Variants in ALG9 observed in about 807,000 individuals in gnomAD.
The protein encoded by ALG9 is ALG9 alpha-1,2-mannosyltransferase.
A neutral mutation model predicts 81.8 loss-of-function variants in ALG9; 55 were observed. The observed-to-expected ratio is 0.67, with a 90% confidence interval of 0.54 to 0.84. ALG9 has a LOEUF of 0.84. Ranked by LOEUF, ALG9 falls within the 40% of genes least tolerant of loss-of-function variation. The pLI is 0.00. For missense variants in ALG9, 629 were observed against 745.0 expected (o/e 0.84, Z 1.81); for synonymous variants, 278 against 274.3 (o/e 1.01, Z -0.13).
intron 9 of ALG9, among the ~76,000 whole-genome samples, chr11:111,844,290 C>T (rs1360405024): frequency 1.3e-5 from 2 of 152,180 alleles, no homozygotes; most frequent in African/African-American, 4.8e-5. Context: ...AGATGTCAGC[C>T]ACCGCGCCCG....
At chr11:111,845,917 T>C (rs1956880739) in intron 8 of ALG9, among the ~76,000 whole-genome samples, 1 of 152,120 alleles carries the variant, frequency 6.6e-6, no homozygotes, top group African/African-American at 2.4e-5. Context: ...TAAGGAAAAG[T>C]TCAAGTTCAA....
At chr11:111,857,332 A>C (rs1236631587) in intron 6 of ALG9, among the ~76,000 whole-genome samples, 1 of 152,178 alleles carries the variant, frequency 6.6e-6, no homozygotes, top group Non-Finnish European at 1.5e-5. Context: ...TAATAATTGT[A>C]TTTCTCCTGC....
intron 5 of ALG9, among the ~76,000 whole-genome samples, chr11:111,860,282 T>G (rs782134265): frequency 1.3e-5 from 2 of 152,238 alleles, no homozygotes; most frequent in Non-Finnish European, 2.9e-5. Context: ...GTAAATCATT[T>G]CATCTACGTT....
chr11:111,810,534 T>C (rs1280689663), intron 13 of ALG9, among the ~76,000 whole-genome samples: 2 of 152,150 alleles, frequency 1.3e-5, no homozygotes, highest in Non-Finnish European at 2.9e-5. Context: ...GGTGTACAGA[T>C]CGTTTGAACC....
chr11:111,802,187 C>T (rs1462992680), intron 14 of ALG9, among the ~76,000 whole-genome samples: 2 of 152,234 alleles, frequency 1.3e-5, no homozygotes, highest in Non-Finnish European at 2.9e-5. Context: ...CTTCGGTTCC[C>T]TTGTTCCTTC....
At chr11:111,858,854 A>G (rs1253141672) in intron 5 of ALG9, among the ~76,000 whole-genome samples, 1 of 152,170 alleles carries the variant, frequency 6.6e-6, no homozygotes, top group Admixed American at 6.5e-5. Flanking sequence ...CTGTGTCTCA[A>G]ATGAGATTAC....
intron 8 of ALG9, 26 bp downstream of exon 8, chr11:111,853,354 C>T (rs781863893): frequency 6.4e-7 from 1 of 1,568,392 alleles, no homozygotes; most frequent in Non-Finnish European, 8.8e-7. Flanking sequence ...TCTCCTAACA[C>T]TTGCCCAAAT....
intron 14 of ALG9, chr11:111,805,188 G>A (rs1949732141): frequency 1.8e-5 from 8 of 452,778 alleles, no homozygotes; most frequent in Non-Finnish European, 3.5e-5. Flanking sequence ...ATAAGAAGAG[G>A]CTAGAGAGCT....
At chr11:111,810,631 C>G (rs1555090423) in intron 13 of ALG9, among the ~76,000 whole-genome samples, 1 of 152,154 alleles carries the variant, frequency 6.6e-6, no homozygotes, top group Non-Finnish European at 1.5e-5. Flanking sequence ...TGGCACATAT[C>G]TGTAGTTCCA....
intron 4 of ALG9, among the ~76,000 whole-genome samples, chr11:111,861,429 C>T (rs1196425488): frequency 6.6e-6 from 1 of 152,086 alleles, no homozygotes; most frequent in Non-Finnish European, 1.5e-5. Flanking sequence ...TGATAAATTC[C>T]GTTTTTTTGG....
intron 14 of ALG9, among the ~76,000 whole-genome samples, chr11:111,788,287 A>G (rs1946774647): frequency 6.6e-6 from 1 of 152,224 alleles, no homozygotes; most frequent in African/African-American, 2.4e-5. Flanking sequence ...CTTCCCAACT[A>G]GGACGCTGGC....
chr11:111,798,278 AG>A (rs1555077288), intron 14 of ALG9: 1 of 232,800 alleles, frequency 4.3e-6, no homozygotes, highest in Non-Finnish European at 8.9e-6. Flanking sequence ...GCAAGACAAA[AG>A]GGACATATAA....
At chr11:111,842,062 A>T (rs1321331438) in intron 9 of ALG9, among the ~76,000 whole-genome samples, 1 of 151,966 alleles carries the variant, frequency 6.6e-6, no homozygotes, top group Non-Finnish European at 1.5e-5. Flanking sequence ...ACACCAGGCT[A>T]ACTGTTGTAT....
chr11:111,771,592 C>T, the ALG9 span, among the ~76,000 whole-genome samples: 1 of 152,144 alleles, frequency 6.6e-6, no homozygotes, highest in East Asian at 1.9e-4. Context: ...CTGTAAGTGT[C>T]TCAGGGCAGA....
chr11:111,866,284 A>G (rs372826459), intron 3 of ALG9, among the ~76,000 whole-genome samples: 1 of 152,200 alleles, frequency 6.6e-6, no homozygotes, highest in African/African-American at 2.4e-5. Flanking sequence ...CGACAGAGTG[A>G]GACTCCATCT....
the ALG9 span, among the ~76,000 whole-genome samples, chr11:111,773,491 T>C: frequency 6.6e-6 from 1 of 152,026 alleles, no homozygotes; most frequent in Non-Finnish European, 1.5e-5. Context: ...GTGATTCGCC[T>C]GCCTTCGCCT....
At chr11:111,842,443 A>G (rs1592222932) in intron 9 of ALG9, among the ~76,000 whole-genome samples, 1 of 152,024 alleles carries the variant, frequency 6.6e-6, no homozygotes, top group Middle Eastern at 3.4e-3. Flanking sequence ...TTCTCTTGAG[A>G]CAGGGTCTCG....
intron 8 of ALG9, among the ~76,000 whole-genome samples, chr11:111,845,891 G>C (rs1411340596): frequency 6.6e-6 from 1 of 152,182 alleles, no homozygotes. Flanking sequence ...AGAAGTAAGA[G>C]GGAGGGAGGT....
the ALG9 span, chr11:111,769,419 G>A: frequency 1.4e-4 from 22 of 153,238 alleles, no homozygotes; most frequent in African/African-American, 3.6e-4. Context: ...AGGAGTTCAA[G>A]ACCAGTCCTA....
Sources: gnomAD v4.1 joint callset for allele counts (sites outside exome capture counted in the v4.1 genomes callset) on GRCh38, gnomAD v4.1.1 for gene constraint, MANE v1.5 for transcripts, NCBI Gene and HGNC (gene_info 2026-07-23, HGNC 2026-07-21) for gene names.